TANC2: variants seen among roughly 807,000 people sequenced by gnomAD.
TANC2 encodes the protein protein TANC2.
A neutral mutation model predicts 210.5 loss-of-function variants in TANC2; 26 were observed. That is an observed-to-expected ratio of 0.12 (90% confidence interval 0.09 to 0.17). TANC2 has a LOEUF of 0.17. TANC2 is among the 10% of genes least tolerant of loss of function. The pLI is 1.00. For missense variants in TANC2, 2,129 were observed against 2,608.9 expected, an observed-to-expected ratio of 0.82 and a Z score of 4.01; for synonymous variants, 931 against 967.1, an observed-to-expected ratio of 0.96 and a Z score of 0.69.
At chr17:63,082,860 GC>G (rs767772074) in intron 3 of TANC2, among the ~76,000 whole-genome samples, 38 of 152,270 alleles carry the variant, frequency 2.5e-4, no homozygotes, top group Non-Finnish European at 4.7e-4. Flanking sequence ...AGGTTAAGCA[GC>G]CCCTTCTCTG....
At chr17:63,419,409 T>C (rs1287144669) in intron 27 of TANC2, among the ~76,000 whole-genome samples, 1 of 152,216 alleles carries the variant, frequency 6.6e-6, no homozygotes, top group Non-Finnish European at 1.5e-5. Context: ...TGGAGTCAGC[T>C]CAGCTCCAGC....
chr17:63,317,324 G>C (rs2045348535), intron 10 of TANC2, among the ~76,000 whole-genome samples: 1 of 105,248 alleles, frequency 9.5e-6, no homozygotes, highest in African/African-American at 3.9e-5. Context: ...CCCCCTCCTT[G>C]TCATTTCCCT....
At chr17:63,104,746 G>C (rs1480034006) in intron 4 of TANC2, among the ~76,000 whole-genome samples, 2 of 152,080 alleles carry the variant, frequency 1.3e-5, no homozygotes, top group African/African-American at 4.8e-5. Context: ...GGAGAGGGAT[G>C]ACATAAGTTG....
At chr17:63,413,055 G>A (rs2048753029) in intron 24 of TANC2, 1 of 283,644 alleles carries the variant, frequency 3.5e-6, no homozygotes, top group Non-Finnish European at 6.5e-6. Context: ...GGGAGTCCTA[G>A]TTGGTACTTA....
In TANC2 at chr17:63,302,764, G is replaced by C. The variant is rs2044763951; in HGVS notation, c.1160-11624G>C. On this transcript the variant is annotated intron_variant, in intron 9 of 27. Coordinates refer to ENST00000689528, the Ensembl canonical transcript of TANC2. ...TTATCCGATTTGCCAGTCTGTGTCAGGTTTTTTGTTTTGTTTTGAGATGGA... is the reference window on the plus strand; with the variant it reads ...TTATCCGATTTGCCAGTCTGTGTCACGTTTTTTGTTTTGTTTTGAGATGGA... 2.0e-5 allele frequency among the ~76,000 whole-genome samples: 3 copies of C among 151,352 alleles called. No homozygotes were observed. In the South Asian group the frequency reaches 6.3e-4, roughly 32 times the overall value.
intron 1 of TANC2, among the ~76,000 whole-genome samples, chr17:62,998,978 G>C (rs926229069): frequency 6.6e-6 from 1 of 152,186 alleles, no homozygotes; most frequent in African/African-American, 2.4e-5. Context: ...GAAGAAAGCA[G>C]GGATTCCTAT....
intron 7 of TANC2, among the ~76,000 whole-genome samples, chr17:63,202,764 T>G (rs2041577396): frequency 6.6e-6 from 1 of 152,152 alleles, no homozygotes; most frequent in African/African-American, 2.4e-5. Flanking sequence ...GTTTATTACT[T>G]TTCCCTTTAT....
At chr17:63,300,877 C>T (rs1364913401) in intron 9 of TANC2, among the ~76,000 whole-genome samples, 4 of 152,114 alleles carry the variant, frequency 2.6e-5, no homozygotes, top group African/African-American at 9.7e-5. Context: ...GGAATGCTTC[C>T]AGCTTTTGCC....
chr17:63,176,805 CAAAAA>C (rs60736520), intron 5 of TANC2, among the ~76,000 whole-genome samples: 3 of 93,148 alleles, frequency 3.2e-5, no homozygotes, highest in African/African-American at 8.4e-5. Context: ...GACTCCATCT[CAAAAA>C]AAAAAAAAAA....
At chr17:63,226,091 G>A (rs1156717190) in intron 7 of TANC2, among the ~76,000 whole-genome samples, 20 of 152,008 alleles carry the variant, frequency 1.3e-4, no homozygotes, top group African/African-American at 2.4e-5. Context: ...ACAAATTACT[G>A]TGTCACAAAT....
At chr17:63,015,793 AAT>A (rs1276459124) in intron 2 of TANC2, among the ~76,000 whole-genome samples, 51 of 152,116 alleles carry the variant, frequency 3.4e-4, no homozygotes, top group African/African-American at 7.7e-4. Context: ...CTATAAAGAA[AAT>A]ATGTTTATAT....
At chr17:63,331,689 A>G (rs1192356264) in intron 11 of TANC2, among the ~76,000 whole-genome samples, 1 of 152,232 alleles carries the variant, frequency 6.6e-6, no homozygotes, top group Non-Finnish European at 1.5e-5. Flanking sequence ...GTCAGTAGCA[A>G]ATGACCAGAA....
chr17:63,022,784 T>C (rs967505739), intron 2 of TANC2, among the ~76,000 whole-genome samples: 3 of 152,120 alleles, frequency 2.0e-5, no homozygotes, highest in Non-Finnish European at 4.4e-5. Flanking sequence ...TGCATGCCAG[T>C]GTGGTCCTGC....
At chr17:63,043,876 A>G (rs2035282748) in intron 2 of TANC2, among the ~76,000 whole-genome samples, 1 of 152,120 alleles carries the variant, frequency 6.6e-6, no homozygotes, top group Non-Finnish European at 1.5e-5. Flanking sequence ...AGTTGGAAAA[A>G]TATATTAAGT....
chr17:63,255,254 G>A (rs997959011), intron 8 of TANC2, among the ~76,000 whole-genome samples: 6 of 151,710 alleles, frequency 4.0e-5, no homozygotes, highest in African/African-American at 9.7e-5. Context: ...ACAGGCGCCC[G>A]GCTAATTTTT....
chr17:63,292,799 A>T (rs2044420734), intron 9 of TANC2, among the ~76,000 whole-genome samples: 1 of 152,206 alleles, frequency 6.6e-6, no homozygotes, highest in African/African-American at 2.4e-5. Flanking sequence ...TAAGCACATC[A>T]CATGTATTAA....
intron 2 of TANC2, among the ~76,000 whole-genome samples, chr17:63,016,326 C>T (rs1598258873): frequency 2.6e-5 from 4 of 152,240 alleles, no homozygotes; most frequent in African/African-American, 2.4e-5. Flanking sequence ...CCTGTAATCC[C>T]GGCATTTTGG....
At chr17:63,098,543 T>TTA (rs1202046273) in intron 3 of TANC2, among the ~76,000 whole-genome samples, 1 of 115,726 alleles carries the variant, frequency 8.6e-6, no homozygotes, top group Non-Finnish European at 1.9e-5. Context: ...ATGTAAAAAT[T>TTA]TATATATATA....
intron 5 of TANC2, among the ~76,000 whole-genome samples, chr17:63,193,517 T>C (rs1391775637): frequency 6.6e-6 from 1 of 152,242 alleles, no homozygotes; most frequent in Non-Finnish European, 1.5e-5. Flanking sequence ...TTGTGTTTTG[T>C]GATGCTGTTG....
Sources: allele counts gnomAD v4.1 joint callset (sites outside exome capture counted in the v4.1 genomes callset), GRCh38; gene constraint gnomAD v4.1.1; transcripts MANE v1.5; gene names NCBI Gene and HGNC (gene_info 2026-07-23, HGNC 2026-07-21).